The following AP3M2 variants were observed in gnomAD, a reference collection of about 807,000 sequenced individuals.
The protein encoded by AP3M2 is AP-3 complex subunit mu-2.
AP3M2 carries 28 observed loss-of-function variants against 41.6 expected under a neutral mutation model. The observed-to-expected ratio is 0.67, with a 90% confidence interval of 0.50 to 0.92. AP3M2 has a LOEUF of 0.92. Among genes scored for constraint, AP3M2 ranks in the 40% least tolerant of loss-of-function variants. AP3M2 has a pLI of 0.00. For missense variants in AP3M2, 427 were observed against 521.4 expected (o/e 0.82, Z 1.76); for synonymous variants, 193 against 186.4 (o/e 1.04, Z -0.29).
chr8:42,154,180 A>G (rs1464138107), intron 1 of AP3M2: 3 of 157,274 alleles, frequency 1.9e-5, no homozygotes, highest in Non-Finnish European at 4.2e-5. Context: ...CGCTGGTCCC[A>G]TAGTGGCTAT....
chr8:42,165,559 A>C lies in AP3M2; in HGVS notation c.802A>C (p.Asn268His), dbSNP rs1363716157. 1 of 1,613,990 alleles carries C rather than the reference A, an allele frequency of 6.2e-7. No individual in the cohort carries two copies. ...GCTGTCTTACCATGTCAGTGCACAGAAGTAAGCAGCTCTTATAATTAAGAA... is the reference window on the plus strand; with the variant it reads ...GCTGTCTTACCATGTCAGTGCACAGCAGTAAGCAGCTCTTATAATTAAGAA... ...RLLSYHVSAQ[N>H]LVAIPVYVKH... is the part of the protein sequence containing the mutation. Residue 268 changes from asparagine (N) to histidine (H), a missense_variant and splice_region_variant, in exon 6 of 9, where the codon AAT becomes CAT. Transcript: ENST00000396926.
Position 42,168,629 on chromosome 8 carries a change from ATTTGT to A in AP3M2, c.1157-325_1157-321del, listed in dbSNP as rs757889775. On this transcript the variant is annotated intron_variant, in intron 8 of 8. Transcript: ENST00000396926. ...TTATTTATAATTTACTTCATTATTCATTTGTTTTGTTATTCATTTTTTCAGTCCAA... is the reference window on the plus strand; with the variant it reads ...TTATTTATAATTTACTTCATTATTCATTTGTTATTCATTTTTTCAGTCCAA... 7.4e-4 allele frequency among the ~76,000 whole-genome samples: 112 copies of A among 152,164 alleles called. 2 individuals carry two copies. Among genetic ancestry groups the A allele is most frequent in the African/African-American group, 1.6e-3 (67 of 41,522 alleles).
intron 3 of AP3M2, among the ~76,000 whole-genome samples, chr8:42,160,939 C>T (rs536003113): frequency 2.6e-5 from 4 of 152,260 alleles, no homozygotes; most frequent in African/African-American, 9.6e-5. Flanking sequence ...GAATCATTTA[C>T]GAATATTATG....
At chr8:42,165,688 A>AT (rs1249540693) in intron 6 of AP3M2, 128 bp downstream of exon 6, 1 of 1,193,638 alleles carries the variant, frequency 8.4e-7, no homozygotes, top group Admixed American at 2.3e-5. Context: ...GTGGTTACTA[A>AT]TTGGGTAACC....
At position 42,169,042 on chromosome 8, in the gene AP3M2, A is replaced by G. The variant is rs1482509450; in HGVS notation, c.1238A>G (p.Lys413Arg). The change falls in exon 9 of 9, where the codon AAG becomes AGG. Residue 413 changes from lysine (K) to arginine (R), a missense_variant. By Grantham distance (26) the Lys-to-Arg change is conservative. Transcript: ENST00000396926. ...KGIKYMTKAG[K>R]FQVRT ...ATAAAATACATGACCAAAGCTGGGAAGTTCCAAGTTCGAACCTGAAGGGAG... is the reference window on the plus strand; with the variant it reads ...ATAAAATACATGACCAAAGCTGGGAGGTTCCAAGTTCGAACCTGAAGGGAG... 3.1e-6 allele frequency: 5 copies of G among 1,611,126 alleles called. No homozygotes were observed. Among genetic ancestry groups the G allele is most frequent in the East Asian group, 4.5e-5 (2 of 44,552 alleles).
chr8:42,154,203 C>T (rs1804292523), intron 1 of AP3M2: 1 of 163,616 alleles, frequency 6.1e-6, no homozygotes, highest in South Asian at 1.6e-4. Context: ...TATTAAGCTG[C>T]GCATTTCTTG....
Position 42,154,796 on chromosome 8 carries a change from G to C in AP3M2, c.109G>C (p.Glu37Gln). The change falls in exon 2 of 9, where the codon GAG (glutamate) becomes CAG (glutamine). Residue 37 changes from glutamate (E) to glutamine (Q), a missense_variant. Around this residue, in one of 3 missense-constraint regions of AP3M2, gnomAD observed 104 missense variants for 93.8 expected, o/e 1.11. Coordinates refer to ENST00000396926, the MANE Select transcript of AP3M2 (RefSeq NM_006803.4). Reference sequence around the variant, plus strand: ...TTGTGATTACTTTTTTGAGGCGCAAGAGAGAGCTACTGAGGCAGAAAATGT... The same window carrying C: ...TTGTGATTACTTTTTTGAGGCGCAACAGAGAGCTACTGAGGCAGAAAATGT... The part of the protein sequence containing the change: ...SVCDYFFEAQ[E>Q]RATEAENVPP... The C allele has an allele frequency of 1.2e-6, 2 of 1,614,166 alleles. No homozygotes were observed. Among genetic ancestry groups the C allele is most frequent in the Non-Finnish European group, 1.7e-6 (2 of 1,180,036 alleles).
At chr8:42,162,242 C>T in intron 3 of AP3M2, 39 bp from the exon 4 acceptor site, 4 of 1,575,404 alleles carry the variant, frequency 2.5e-6, no homozygotes, top group Non-Finnish European at 3.4e-6. Flanking sequence ...TTTCTAGAGT[C>T]AAAATGGTGT....
chr8:42,157,394 G>C (rs982765976), intron 2 of AP3M2, among the ~76,000 whole-genome samples: 7 of 152,150 alleles, frequency 4.6e-5, no homozygotes, highest in African/African-American at 1.7e-4. Context: ...AGCACCTAAC[G>C]TTAGCCTTTT....
chr8:42,155,397 G>A (rs1394934837), intron 2 of AP3M2, among the ~76,000 whole-genome samples: 1 of 152,212 alleles, frequency 6.6e-6, no homozygotes, highest in East Asian at 1.9e-4. Context: ...CCAGTCAGGG[G>A]TAACTCATGA....
At chr8:42,159,024 A>G (rs1804436411) in intron 3 of AP3M2, among the ~76,000 whole-genome samples, 1 of 151,840 alleles carries the variant, frequency 6.6e-6, no homozygotes, top group South Asian at 2.1e-4. Context: ...CTAATGCCTG[A>G]CCTCAAGTGA....
chr8:42,156,281 A>G (rs185990781), intron 2 of AP3M2, among the ~76,000 whole-genome samples: 53 of 152,346 alleles, frequency 3.5e-4, no homozygotes, highest in Non-Finnish European at 6.2e-4. Flanking sequence ...GGGAAAGCAG[A>G]GTAAATTTGC....
Position 42,166,591 on chromosome 8 carries a change from C to CAAAAAAAAAAAAAAAAAA in AP3M2, c.804-571_804-554dup, listed in dbSNP as rs56858276. Among the ~76,000 whole-genome samples, 71 of 77,054 alleles carry CAAAAAAAAAAAAAAAAAA rather than the reference C, an allele frequency of 9.2e-4. 1 individual carries two copies. Among genetic ancestry groups the CAAAAAAAAAAAAAAAAAA allele is most frequent in the African/African-American group, 3.2e-3 (60 of 18,736 alleles). 50.6% of individuals were successfully genotyped at this position (77,054 alleles called of 152,430 possible). A position where few individuals can be genotyped will look rare whatever the true frequency, so the allele number is the denominator to read the frequency against. ...GCAACATGGCCAAACCTTGTCTCTA[C>CAAAAAAAAAAAAAAAAAA]AAAAAAAAAAAAAAAAAAAGTAAAA... is the stretch of plus-strand genomic sequence containing the variant. On this transcript the variant is annotated intron_variant, in intron 6 of 8. Transcript: ENST00000396926.
intron 3 of AP3M2, among the ~76,000 whole-genome samples, chr8:42,159,776 G>C (rs935448184): frequency 2.6e-5 from 4 of 152,130 alleles, no homozygotes; most frequent in African/African-American, 9.7e-5. Flanking sequence ...GCATAAGCAA[G>C]CATTTTCATG....
At chr8:42,164,079 C>A (rs561060121) in intron 4 of AP3M2, among the ~76,000 whole-genome samples, 1 of 152,222 alleles carries the variant, frequency 6.6e-6, no homozygotes, top group South Asian at 2.1e-4. Context: ...AGGCTGAAAT[C>A]CAGGCCCAAA....
At chr8:42,154,313 C>A (rs1271755313) in intron 1 of AP3M2, 1 of 188,942 alleles carries the variant, frequency 5.3e-6, no homozygotes, top group Non-Finnish European at 1.1e-5. Flanking sequence ...CAACGCAAAA[C>A]ATGAGGCACG....
Position 42,168,941 on chromosome 8 carries a change from CCT to C in AP3M2, c.1157-14_1157-13del. On this transcript the variant is annotated intron_variant, in intron 8 of 8. Transcript: ENST00000396926. ...TTGAATAATACTCATGTCTATTTTC[CCT>C]CTCTCCCTCCTTTCTAGGACTCAAG... 6.4e-7 allele frequency: 1 copy of C among 1,562,728 alleles called. No homozygotes were observed. Among genetic ancestry groups the C allele is most frequent in the Non-Finnish European group, 8.7e-7 (1 of 1,146,514 alleles).
chr8:42,160,088 C>G (rs1391806783), intron 3 of AP3M2, among the ~76,000 whole-genome samples: 1 of 152,104 alleles, frequency 6.6e-6, no homozygotes, highest in Non-Finnish European at 1.5e-5. Context: ...GCTCTACAAT[C>G]CAAAACTTTT....
intron 6 of AP3M2, 88 bp from the exon 7 acceptor site, chr8:42,167,076 C>T: frequency 8.5e-7 from 1 of 1,176,150 alleles, no homozygotes; most frequent in Non-Finnish European, 1.3e-6. Flanking sequence ...AAGAAGCTAC[C>T]CACAGGGCAG....
Sources: allele counts gnomAD v4.1 joint callset (sites outside exome capture counted in the v4.1 genomes callset), GRCh38; gene constraint gnomAD v4.1.1; regional missense constraint gnomAD v4.1.1; transcripts MANE v1.5; gene names NCBI Gene and HGNC (gene_info 2026-07-23, HGNC 2026-07-21).